RGS6: variants seen among roughly 807,000 people sequenced by gnomAD.
The protein encoded by RGS6 is regulator of G-protein signaling 6.
A neutral mutation model predicts 78.5 loss-of-function variants in RGS6; 30 were observed. The observed-to-expected ratio is 0.38, with a 90% CI of 0.29 to 0.52. The LOEUF (loss-of-function observed/expected upper bound fraction) is 0.52. RGS6 is among the 20% of genes least tolerant of loss of function. The pLI is 0.85. For synonymous variants in RGS6, 206 were observed against 206.0 expected, an observed-to-expected ratio of 1.00 and a Z score of 0.00; for missense variants, 495 against 609.7, an observed-to-expected ratio of 0.81 and a Z score of 1.98.
intron 2 of RGS6, among the ~76,000 whole-genome samples, chr14:72,194,780 A>G (rs897874804): frequency 3.9e-5 from 6 of 152,316 alleles, no homozygotes; most frequent in Admixed American, 2.0e-4. Flanking sequence ...CAGAAGAGGG[A>G]CCCTGGGGCA....
At chr14:72,493,052 C>T (rs548359979) in intron 12 of RGS6, among the ~76,000 whole-genome samples, 4 of 152,172 alleles carry the variant, frequency 2.6e-5, no homozygotes, top group Non-Finnish European at 2.9e-5. Context: ...CATTAAAATA[C>T]TGGTAAACTT....
intron 2 of RGS6, among the ~76,000 whole-genome samples, chr14:71,999,390 T>C (rs1566988920): frequency 6.6e-6 from 1 of 152,254 alleles, no homozygotes; most frequent in Non-Finnish European, 1.5e-5. Context: ...TGCGGAATGC[T>C]TTTGCATACA....
At chr14:72,284,597 G>A (rs904437064) in intron 2 of RGS6, among the ~76,000 whole-genome samples, 2 of 152,236 alleles carry the variant, frequency 1.3e-5, no homozygotes, top group African/African-American at 4.8e-5. Flanking sequence ...CTTTCTGTAG[G>A]GGTGGGGCCC....
chr14:72,202,601 A>T (rs1300364067), intron 2 of RGS6, among the ~76,000 whole-genome samples: 1 of 152,120 alleles, frequency 6.6e-6, no homozygotes, highest in Non-Finnish European at 1.5e-5. Flanking sequence ...CATCAAGGCC[A>T]CTTCCTCTCC....
At chr14:72,447,126 T>C (rs2095385653) in intron 3 of RGS6, among the ~76,000 whole-genome samples, 1 of 152,046 alleles carries the variant, frequency 6.6e-6, no homozygotes, top group African/African-American at 2.4e-5. Context: ...TGTTGCATTC[T>C]GGGAAGGGAA....
intron 14 of RGS6, chr14:72,516,954 T>C (rs1359465280): frequency 6.6e-6 from 1 of 150,740 alleles, no homozygotes; most frequent in Non-Finnish European, 1.5e-5. Context: ...TGGCAAAAAA[T>C]GGCAAATCAG....
At chr14:72,045,908 C>A (rs1430113480) in intron 2 of RGS6, among the ~76,000 whole-genome samples, 2 of 152,022 alleles carry the variant, frequency 1.3e-5, no homozygotes, top group African/African-American at 4.8e-5. Context: ...TCCCCCCACG[C>A]CCCCGCACCC....
intron 15 of RGS6, among the ~76,000 whole-genome samples, chr14:72,523,004 A>G (rs1398813108): frequency 2.0e-5 from 3 of 152,246 alleles, no homozygotes; most frequent in Admixed American, 1.3e-4. Context: ...AGTGTTGCGG[A>G]GCAGAGGTCA....
chr14:72,549,333 G>A (rs2097462072), intron 17 of RGS6, among the ~76,000 whole-genome samples: 1 of 152,178 alleles, frequency 6.6e-6, no homozygotes, highest in South Asian at 2.1e-4. Context: ...AGGTCAGCAA[G>A]TGGAGGACAC....
intron 2 of RGS6, among the ~76,000 whole-genome samples, chr14:72,208,918 TAATGAAATAAGAATATC>T (rs78514499): frequency 0.94 from 141,990 of 150,920 alleles, 67,099 homozygotes; most frequent in South Asian, 1. Flanking sequence ...AAAATAAGAA[TAATGAAATAAGAATATC>T]AATGAAATAA....
At chr14:71,904,745 C>T in the RGS6 span, among the ~76,000 whole-genome samples, 1 of 152,120 alleles carries the variant, frequency 6.6e-6, no homozygotes, top group South Asian at 2.1e-4. Context: ...CTAAGCTTAC[C>T]TTGGTCTTGT....
At chr14:72,478,370 T>C in intron 12 of RGS6, 41 bp downstream of exon 12, 2 of 1,345,872 alleles carry the variant, frequency 1.5e-6, no homozygotes, top group South Asian at 1.2e-5. Context: ...TCTTCTAATT[T>C]AACAGGGAAG....
rs1290125095 is a variant in RGS6 at position 72,556,671 on chromosome 14, A to AAGGT, written c.1423-5742_1423-5739dup. Among the ~76,000 whole-genome samples, 250 of 54,986 alleles carry AAGGT rather than the reference A, an allele frequency of 4.5e-3. 1 individual carries two copies. The highest frequency in any genetic ancestry group is 0.016 in the African/African-American group (226 of 13,796). 36.1% of individuals were successfully genotyped at this position (54,986 alleles called of 152,430 possible). A position where few individuals can be genotyped will look rare whatever the true frequency, so the allele number is the denominator to read the frequency against. The stretch of plus-strand genomic sequence containing the variant: ...GAGTCTTTATACCACTGTACATGAG[A>AAGGT]AGGTAGGGGTCGGGGGGGCGGGGTG... On this transcript the variant is annotated intron_variant, in intron 17 of 17. Coordinates refer to ENST00000553525, the MANE Select transcript of RGS6 (RefSeq NM_001204424.2).
intron 2 of RGS6, among the ~76,000 whole-genome samples, chr14:72,289,278 A>G (rs920747357): frequency 6.6e-6 from 1 of 151,746 alleles, no homozygotes; most frequent in South Asian, 2.1e-4. Context: ...TTTGTCTCCC[A>G]TGTTCTCCCT....
At chr14:72,471,775 T>A (rs918767057) in intron 8 of RGS6, among the ~76,000 whole-genome samples, 1 of 151,906 alleles carries the variant, frequency 6.6e-6, no homozygotes, top group African/African-American at 2.4e-5. Flanking sequence ...CCCGAAGAGG[T>A]GCAGGTGGGA....
In RGS6 at chr14:72,460,721, T is replaced by G. The variant is rs934770677; in HGVS notation, c.394+1038T>G. ...CTCTCCTTGGGACTGGGACACTCAA[T>G]GAGACCTGCAGCTTCTTTGCAGAAT... On this transcript the variant is annotated intron_variant, in intron 6 of 17. Coordinates refer to ENST00000553525, the MANE Select transcript of RGS6 (RefSeq NM_001204424.2). Among the ~76,000 whole-genome samples the G allele has an allele frequency of 3.3e-5, 5 of 152,088 alleles. No homozygotes were observed. The South Asian group carries it at 1.0e-3, about 32-fold the overall frequency.
Position 72,495,173 on chromosome 14 carries a change from A to G in RGS6, c.876A>G (p.Gln292=), listed in dbSNP as rs1453498783. The change falls in exon 13 of 18, where the codon CAA becomes CAG. Residue 292 remains glutamine, a synonymous_variant. Transcript: ENST00000553525. ...VAESLIAYTE[Q]YVEYDPLITP... ...GCAGTTTAATTGCCTACACGGAACA[A>G]TATGTGGAATATGACCCTTTGATAA... 1.9e-6 allele frequency: 3 copies of G among 1,612,820 alleles called. No homozygotes were observed. Among genetic ancestry groups the G allele is most frequent in the South Asian group, 1.1e-5 (1 of 91,052 alleles).
chr14:72,273,249 A>G (rs1007075539), intron 2 of RGS6, among the ~76,000 whole-genome samples: 2 of 152,214 alleles, frequency 1.3e-5, no homozygotes, highest in Non-Finnish European at 2.9e-5. Flanking sequence ...AGCTTGCATT[A>G]TGGGTAAGAA....
intron 17 of RGS6, among the ~76,000 whole-genome samples, chr14:72,554,368 G>A (rs979659727): frequency 1.3e-5 from 2 of 152,212 alleles, no homozygotes; most frequent in Non-Finnish European, 2.9e-5. Context: ...TTCTCTTGCC[G>A]CTTTGTCCAC....
Sources: gnomAD v4.1 joint callset for allele counts (sites outside exome capture counted in the v4.1 genomes callset) on GRCh38, gnomAD v4.1.1 for gene constraint, MANE v1.5 for transcripts, NCBI Gene and HGNC (gene_info 2026-07-23, HGNC 2026-07-21) for gene names.